Variants in IMPA1 observed in about 807,000 individuals in gnomAD.
IMPA1 encodes the protein D-galactose 1-phosphate phosphatase.
In IMPA1, 21 loss-of-function variants were observed where a neutral mutation model predicts 34.9. The observed-to-expected ratio is 0.60, with a 90% CI of 0.43 to 0.87. IMPA1 has a LOEUF of 0.87. Among genes scored for constraint, IMPA1 ranks in the 40% least tolerant of loss-of-function variants. IMPA1 has a pLI of 0.00. For missense variants in IMPA1, 299 were observed against 336.4 expected (o/e 0.89, Z 0.87); for synonymous variants, 95 against 104.4 (o/e 0.91, Z 0.55).
At chr8:81,660,325 T>C (rs1172461490) in intron 8 of IMPA1, among the ~76,000 whole-genome samples, 191 bp downstream of exon 8, 3 of 152,160 alleles carry the variant, frequency 2.0e-5, no homozygotes, top group South Asian at 2.1e-4. Flanking sequence ...TCATTGTAAG[T>C]CTCACATTAC....
chr8:81,679,615 GAA>G (rs35868443), intron 3 of IMPA1, among the ~76,000 whole-genome samples: 3 of 134,058 alleles, frequency 2.2e-5, no homozygotes, highest in Non-Finnish European at 4.9e-5. Context: ...TCTGTCTCAG[GAA>G]AAAAAAAAAA....
At position 81,657,391 on chromosome 8, in the gene IMPA1, A is replaced by C. The variant is rs1806547707; in HGVS notation, c.*1960T>G. ...CACTTGAGCCCAATGAGACCAGCCT[A>C]AGCAACATAGGAAGATTCTGTCTCT... On this transcript the variant is annotated 3_prime_UTR_variant, in exon 9 of 9. Transcript: ENST00000256108. Among the ~76,000 whole-genome samples, 1 of 151,972 alleles carries C rather than the reference A, an allele frequency of 6.6e-6. No individual in the cohort carries two copies. The highest frequency in any genetic ancestry group is 1.5e-5 in the Non-Finnish European group (1 of 67,976).
At chr8:81,661,067 G>A (rs1806660437) in intron 7 of IMPA1, among the ~76,000 whole-genome samples, 1 of 152,100 alleles carries the variant, frequency 6.6e-6, no homozygotes, top group Admixed American at 6.6e-5. Flanking sequence ...AAAATATCAT[G>A]GTATGGGTCA....
intron 7 of IMPA1, among the ~76,000 whole-genome samples, chr8:81,663,771 G>A (rs1806742103): frequency 6.6e-6 from 1 of 152,210 alleles, no homozygotes; most frequent in Admixed American, 6.5e-5. Context: ...GGGGCGCAGT[G>A]GCTCAGGCCT....
Position 81,685,084 on chromosome 8 carries a change from A to C in IMPA1, c.-25+1168T>G, listed in dbSNP as rs1045150110. Among the ~76,000 whole-genome samples the C allele has an allele frequency of 4.6e-4, 62 of 134,070 alleles. 1 individual carries two copies. Among genetic ancestry groups the C allele is most frequent in the African/African-American group, 1.6e-3 (56 of 35,320 alleles). The allele number at this position is 134,070 out of a possible 152,430, so 88.0% of individuals were successfully genotyped here. On this transcript the variant is annotated intron_variant, in intron 1 of 8. Transcript: ENST00000256108. ...AGTATATTTAGATATATATACTATA[A>C]ATAAGTATATTTAGATACTATATAT...
Position 81,685,341 on chromosome 8 carries a change from CTATATGTAAGTA to C in IMPA1, c.-25+899_-25+910del, listed in dbSNP as rs1441223179. The stretch of plus-strand genomic sequence containing the variant: ...ACTATACATATAGTATATTTATATA[CTATATGTAAGTA>C]TATATGTAAGTATATTTATGTACTA... On this transcript the variant is annotated intron_variant, in intron 1 of 8. Coordinates refer to ENST00000256108, the MANE Select transcript of IMPA1 (RefSeq NM_005536.4). Among the ~76,000 whole-genome samples the C allele has an allele frequency of 7.2e-4, 97 of 134,864 alleles. 1 individual carries two copies. The East Asian group carries it at 0.015, about 21-fold the overall frequency. The allele number at this position is 134,864 out of a possible 152,430, so 88.5% of individuals were successfully genotyped here. A position where few individuals can be genotyped will look rare whatever the true frequency, so the allele number is the denominator to read the frequency against.
At chr8:81,685,263 AGATAC>A (rs1309696828) in intron 1 of IMPA1, among the ~76,000 whole-genome samples, 3 of 132,474 alleles carry the variant, frequency 2.3e-5, no homozygotes, top group African/African-American at 8.5e-5. Flanking sequence ...ACATAAGTAT[AGATAC>A]TATATATAGT....
At position 81,662,587 on chromosome 8, in the gene IMPA1, C is replaced by G. The variant is rs1326369286; in HGVS notation, c.567-1920G>C. On this transcript the variant is annotated intron_variant, in intron 7 of 8. Coordinates refer to ENST00000256108, the MANE Select transcript of IMPA1 (RefSeq NM_005536.4). ...GGTCCTCCTATACAGCTGTGGTCCG[C>G]CTATGCAGCTAACATGGCACATTGT... 6.6e-5 allele frequency among the ~76,000 whole-genome samples: 10 copies of G among 152,234 alleles called. No individual in the cohort carries two copies. In the East Asian group the frequency reaches 1.9e-3, roughly 29 times the overall value.
Position 81,680,658 on chromosome 8 carries a change from T to C in IMPA1, c.189A>G (p.Pro63=). The change falls in exon 3 of 9, where the codon CCA becomes CCG. Residue 63 remains proline, a synonymous_variant. Transcript: ENST00000256108. ...MLISSIKEKY[P]SHSFIGEESV... is the part of the protein sequence containing the mutation. ...ACAGTAAATAAAAATACCTGTGAGATGGATACTTTTCCTTTATGGAAGAGA... is the reference window on the plus strand; with the variant it reads ...ACAGTAAATAAAAATACCTGTGAGACGGATACTTTTCCTTTATGGAAGAGA... The C allele has an allele frequency of 2.5e-6, 4 of 1,608,454 alleles. No homozygotes were observed. The highest frequency in any genetic ancestry group is 3.4e-6 in the Non-Finnish European group (4 of 1,176,994).
chr8:81,685,897 G>A lies in IMPA1; in HGVS notation c.-25+355C>T, dbSNP rs925742919. 36 of 1,546,076 alleles carry A rather than the reference G, an allele frequency of 2.3e-5. No individual in the cohort carries two copies. Among genetic ancestry groups the A allele is most frequent in the Non-Finnish European group, 2.9e-5 (33 of 1,144,146 alleles). On this transcript the variant is annotated intron_variant, in intron 1 of 8. Transcript: ENST00000256108. ...AGCACCGCGACTGCGGGCAGCACAG[G>A]ACCTGGGCGCTGCCCCATCACTTAG...
chr8:81,684,183 G>T (rs1807395670), intron 1 of IMPA1, among the ~76,000 whole-genome samples: 1 of 144,684 alleles, frequency 6.9e-6, no homozygotes, highest in African/African-American at 2.6e-5. Flanking sequence ...ATATAATACA[G>T]TAAATATACT....
At chr8:81,677,118 G>T (rs558284599) in intron 4 of IMPA1, among the ~76,000 whole-genome samples, 1 of 149,646 alleles carries the variant, frequency 6.7e-6, no homozygotes, top group East Asian at 1.9e-4. Flanking sequence ...TTTTGGAGAC[G>T]AAGTTAAGCT....
At chr8:81,673,216 C>T (rs1001580890) in intron 6 of IMPA1, among the ~76,000 whole-genome samples, 3 of 152,184 alleles carry the variant, frequency 2.0e-5, no homozygotes, top group Admixed American at 6.5e-5. Context: ...TCCCTCTGCT[C>T]GCCTGAGACA....
chr8:81,660,459 A>C (rs1189751051), intron 8 of IMPA1, 57 bp downstream of exon 8: 1 of 1,526,110 alleles, frequency 6.6e-7, no homozygotes, highest in Non-Finnish European at 9.0e-7. Flanking sequence ...TAAATTCTAC[A>C]TATGGACAAA....
chr8:81,672,749 A>C (rs1807023169), intron 6 of IMPA1, among the ~76,000 whole-genome samples: 1 of 152,214 alleles, frequency 6.6e-6, no homozygotes, highest in African/African-American at 2.4e-5. Context: ...ATAGAGAAGA[A>C]AGAACTTAAA....
chr8:81,668,485 T>C (rs910771046), intron 7 of IMPA1, among the ~76,000 whole-genome samples: 1 of 152,060 alleles, frequency 6.6e-6, no homozygotes, highest in Non-Finnish European at 1.5e-5. Flanking sequence ...CACAGCTACT[T>C]GGGAGGCTGA....
chr8:81,685,372 T>G lies in IMPA1; in HGVS notation c.-25+880A>C, dbSNP rs533134572. 2.2e-4 allele frequency among the ~76,000 whole-genome samples: 31 copies of G among 138,944 alleles called. No individual in the cohort carries two copies. In the East Asian group the frequency reaches 5.0e-3, roughly 22 times the overall value. 91.2% of individuals were successfully genotyped at this position (138,944 alleles called of 152,430 possible). A position where few individuals can be genotyped will look rare whatever the true frequency, so the allele number is the denominator to read the frequency against. On this transcript the variant is annotated intron_variant, in intron 1 of 8. Coordinates refer to ENST00000256108, the MANE Select transcript of IMPA1 (RefSeq NM_005536.4). ...GTAAGTATATATGTAAGTATATTTA[T>G]GTACTATATATAAGTATATATACCT... is the stretch of plus-strand genomic sequence containing the variant.
At chr8:81,663,863 C>T (rs1365252783) in intron 7 of IMPA1, among the ~76,000 whole-genome samples, 1 of 151,922 alleles carries the variant, frequency 6.6e-6, no homozygotes, top group African/African-American at 2.4e-5. Flanking sequence ...CATGGTGAAA[C>T]CCCATCTCTA....
chr8:81,679,445 T>C (rs1178643962), intron 3 of IMPA1, among the ~76,000 whole-genome samples: 1 of 152,040 alleles, frequency 6.6e-6, no homozygotes, highest in East Asian at 1.9e-4. Context: ...AAACCCCATC[T>C]CTATTAAAAA....
Sources: allele counts gnomAD v4.1 joint callset (sites outside exome capture counted in the v4.1 genomes callset), GRCh38; gene constraint gnomAD v4.1.1; transcripts MANE v1.5; gene names NCBI Gene and HGNC (gene_info 2026-07-23, HGNC 2026-07-21).